The following SLCO1A2 variants were observed in gnomAD, a reference collection of about 807,000 sequenced individuals.
The protein encoded by SLCO1A2 is solute carrier organic anion transporter family member 1A2.
Under a neutral mutation model 69.0 loss-of-function variants are expected in SLCO1A2, and 67 were observed. The observed-to-expected ratio is 0.97, with a 90% CI of 0.80 to 1.19. The LOEUF (loss-of-function observed/expected upper bound fraction) is 1.19, where lower values mean the gene tolerates loss of function less well. Ranked by LOEUF, SLCO1A2 falls within the 50% of genes most tolerant of loss-of-function variation. The probability of loss-of-function intolerance (pLI) is 0.00; values close to 1 mark genes in which losing one functional copy is unlikely to be tolerated. For missense variants in SLCO1A2, 787 were observed against 793.7 expected (o/e 0.99, Z 0.10); for synonymous variants, 260 against 265.9 (o/e 0.98, Z 0.22).
intron 12 of SLCO1A2, among the ~76,000 whole-genome samples, chr12:21,280,057 C>T (rs1284971306): frequency 6.6e-6 from 1 of 151,274 alleles, no homozygotes; most frequent in African/African-American, 2.4e-5. Flanking sequence ...TATAAGATAG[C>T]ATTTGCAAGC....
intron 1 of SLCO1A2, among the ~76,000 whole-genome samples, chr12:21,376,556 A>C (rs1247932123): frequency 6.6e-6 from 1 of 152,076 alleles, no homozygotes; most frequent in Non-Finnish European, 1.5e-5. Flanking sequence ...TGCCCAGATA[A>C]TTTGTTCAAA....
In SLCO1A2 at chr12:21,334,630, T is replaced by C. The variant is rs1299383982; in HGVS notation, c.18A>G (p.Lys6=). ...ATCTTATTCTATGGGTTTCAATTCT[T>C]TTCTCAGTTTCTCCCATGTTGCTCT... MGETE[K]RIETHRIRCL... Residue 6 remains lysine, a synonymous_variant, in exon 2 of 15, where the codon AAA becomes AAG. Coordinates refer to ENST00000683939, the MANE Select transcript of SLCO1A2 (RefSeq NM_001386879.1). 1.9e-6 allele frequency: 3 copies of C among 1,610,270 alleles called. No homozygotes were observed. In the African/African-American group the frequency reaches 4.0e-5, roughly 22 times the overall value.
chr12:21,374,780 C>A (rs1480830293), intron 1 of SLCO1A2, among the ~76,000 whole-genome samples: 1 of 151,868 alleles, frequency 6.6e-6, no homozygotes, highest in Non-Finnish European at 1.5e-5. Flanking sequence ...TTACTAAGCA[C>A]TTTTACCCTC....
In SLCO1A2 at chr12:21,350,318, TTAGTA is replaced by T. The variant is rs1937833217; in HGVS notation, c.-62-15614_-62-15610del. ...AAGGAATATTCACCACAGCTTTGTT[TTAGTA>T]AAGTACAAAAAAAAAGAGAGAAAAA... On this transcript the variant is annotated intron_variant, in intron 2 of 15. Transcript: ENST00000307378. Among the ~76,000 whole-genome samples the T allele has an allele frequency of 7.9e-5, 12 of 152,042 alleles. 1 individual carries two copies. The South Asian group carries it at 2.5e-3, about 32-fold the overall frequency.
chr12:21,373,222 T>G (rs1939927226), intron 2 of SLCO1A2: 1 of 726,892 alleles, frequency 1.4e-6, no homozygotes, highest in East Asian at 2.7e-5. Flanking sequence ...ATTTTGATCC[T>G]TGTAAATTAC....
chr12:21,403,300 A>G (rs1288058676), intron 1 of SLCO1A2: 1 of 152,188 alleles, frequency 6.6e-6, no homozygotes, highest in Non-Finnish European at 1.5e-5. Flanking sequence ...TAAACAAGAT[A>G]ATTAGAAAAC....
At chr12:21,371,703 T>C (rs907705775) in intron 2 of SLCO1A2, among the ~76,000 whole-genome samples, 2 of 152,096 alleles carry the variant, frequency 1.3e-5, no homozygotes, top group Non-Finnish European at 2.9e-5. Flanking sequence ...AAATATAATT[T>C]AGAAATACAA....
Position 21,314,471 on chromosome 12 carries a change from C to T in SLCO1A2, c.335+78G>A, listed in dbSNP as rs1255298560. 3 of 1,492,284 alleles carry T rather than the reference C, an allele frequency of 2.0e-6. No homozygotes were observed. In the East Asian group the frequency reaches 6.8e-5, roughly 34 times the overall value. The allele number at this position is 1,492,284 out of a possible 1,614,324, so 92.4% of individuals were successfully genotyped here. On this transcript the variant is annotated intron_variant, in intron 4 of 14. Coordinates refer to ENST00000683939, the MANE Select transcript of SLCO1A2 (RefSeq NM_001386879.1). ...TGCCCTATGCTGTTGGAAAGCATTG[C>T]TCCTAGAGAGGAAAGTGCAACTTCA...
intron 1 of SLCO1A2, among the ~76,000 whole-genome samples, chr12:21,385,236 T>C (rs1270711349): frequency 6.6e-6 from 1 of 152,226 alleles, no homozygotes; most frequent in Non-Finnish European, 1.5e-5. Context: ...TAAAACTCTC[T>C]TCTGGTTTCT....
chr12:21,406,477 A>T (rs954253388), intron 1 of SLCO1A2, among the ~76,000 whole-genome samples: 1 of 152,352 alleles, frequency 6.6e-6, no homozygotes, highest in East Asian at 1.9e-4. Context: ...GGAAATTTCA[A>T]TCTTTCATTT....
chr12:21,275,649 C>CTAT (rs1204871773), intron 12 of SLCO1A2, among the ~76,000 whole-genome samples: 3 of 151,994 alleles, frequency 2.0e-5, no homozygotes, highest in South Asian at 2.1e-4. Context: ...TTATTAATAC[C>CTAT]TATTTTATTG....
At chr12:21,315,417 A>C (rs1950744730) in intron 3 of SLCO1A2, among the ~76,000 whole-genome samples, 1 of 152,246 alleles carries the variant, frequency 6.6e-6, no homozygotes, top group East Asian at 1.9e-4. Flanking sequence ...GTGTGGAATA[A>C]AGATTTGAAA....
chr12:21,319,992 A>T (rs1310827903), intron 2 of SLCO1A2, among the ~76,000 whole-genome samples: 1 of 152,216 alleles, frequency 6.6e-6, no homozygotes, highest in East Asian at 1.9e-4. Flanking sequence ...CTTCAAAATG[A>T]ACAAATTATA....
intron 4 of SLCO1A2, among the ~76,000 whole-genome samples, chr12:21,310,781 T>G (rs563692118): frequency 4.6e-5 from 7 of 152,294 alleles, no homozygotes; most frequent in African/African-American, 1.7e-4. Flanking sequence ...TTTTTTGTGT[T>G]TTTAGTAGAG....
At chr12:21,294,799 C>T (rs554253819) in intron 10 of SLCO1A2, 1 of 152,230 alleles carries the variant, frequency 6.6e-6, no homozygotes, top group African/African-American at 2.4e-5. Context: ...TTCTCTGAAT[C>T]TCAATTTAAT....
Position 21,295,735 on chromosome 12 carries a change from T to G in SLCO1A2, c.1133A>C (p.Lys378Thr). ...TTGTTTGACAGTAATCTTGAACTTC[T>G]TCATAATTAAACCACCAATTATATA... ...IGYIIGGLIM[K>T]KFKITVKQAA... Residue 378 changes from lysine to threonine, a missense_variant, in exon 10 of 15, where the codon AAG becomes ACG. Physicochemically the swap from Lys to Thr is moderately conservative, Grantham distance 78. Transcript: ENST00000683939. The G allele has an allele frequency of 3.7e-6, 6 of 1,605,384 alleles. No homozygotes were observed. The highest frequency in any genetic ancestry group is 5.1e-6 in the Non-Finnish European group (6 of 1,172,292).
chr12:21,311,166 C>T lies in SLCO1A2; in HGVS notation c.335+3383G>A, dbSNP rs189754258. Among the ~76,000 whole-genome samples the T allele has an allele frequency of 1.5e-3, 235 of 152,308 alleles. 1 individual carries two copies. Among genetic ancestry groups the T allele is most frequent in the African/African-American group, 5.3e-3 (222 of 41,550 alleles). On this transcript the variant is annotated intron_variant, in intron 4 of 14. Coordinates refer to ENST00000683939, the MANE Select transcript of SLCO1A2 (RefSeq NM_001386879.1). Reference sequence around the variant, plus strand: ...GATTGCAGCAATTAAGTCACATCTTCAGGTTCCATCTTAAATTCTAGTTCT... The same window carrying T: ...GATTGCAGCAATTAAGTCACATCTTTAGGTTCCATCTTAAATTCTAGTTCT...
intron 12 of SLCO1A2, among the ~76,000 whole-genome samples, chr12:21,280,587 A>G (rs1186497898): frequency 1.3e-5 from 2 of 151,986 alleles, no homozygotes; most frequent in East Asian, 3.8e-4. Flanking sequence ...TAAAGCAAAT[A>G]TTATTATAGC....
At chr12:21,324,384 G>C (rs1952033384) in intron 2 of SLCO1A2, among the ~76,000 whole-genome samples, 1 of 152,056 alleles carries the variant, frequency 6.6e-6, no homozygotes, top group African/African-American at 2.4e-5. Flanking sequence ...ATTATACTTG[G>C]CCTGATTATT....
Sources: gnomAD v4.1 joint callset for allele counts (sites outside exome capture counted in the v4.1 genomes callset) on GRCh38, gnomAD v4.1.1 for gene constraint, MANE v1.5 for transcripts, NCBI Gene and HGNC (gene_info 2026-07-23, HGNC 2026-07-21) for gene names.